Variants in VRTN observed in about 807,000 individuals in gnomAD.
VRTN encodes vertnin.
Under a neutral mutation model 18.2 loss-of-function variants are expected in VRTN, and 5 were observed. That is an observed-to-expected ratio of 0.27 (90% CI 0.14 to 0.58). VRTN has a LOEUF of 0.58. Among genes scored for constraint, VRTN ranks in the 20% least tolerant of loss-of-function variants. The probability of loss-of-function intolerance (pLI) is 0.91; values close to 1 mark genes in which losing one functional copy is unlikely to be tolerated. For missense variants in VRTN, 741 were observed against 939.4 expected (o/e 0.79, Z 2.76); for synonymous variants, 381 against 393.7 (o/e 0.97, Z 0.38).
chr14:74,325,168 G>A (rs1016936135), intron 1 of VRTN, among the ~76,000 whole-genome samples: 2 of 152,064 alleles, frequency 1.3e-5, no homozygotes, highest in East Asian at 1.9e-4. Context: ...TCAAGGCAAG[G>A]GTCAGTGCAG....
chr14:74,343,080 C>T (rs919297638), intron 2 of VRTN, among the ~76,000 whole-genome samples: 6 of 151,978 alleles, frequency 3.9e-5, no homozygotes, highest in Non-Finnish European at 8.8e-5. Flanking sequence ...ATTATACTGG[C>T]AGGGTGGAGA....
At chr14:74,349,931 G>A (rs537981713) in intron 1 of VRTN, among the ~76,000 whole-genome samples, 1 of 152,090 alleles carries the variant, frequency 6.6e-6, no homozygotes, top group African/African-American at 2.4e-5. Context: ...GTGCAATCCC[G>A]AGTGTGCCTT....
intron 1 of VRTN, among the ~76,000 whole-genome samples, chr14:74,304,299 G>A (rs2085273562): frequency 6.6e-6 from 1 of 151,846 alleles, no homozygotes; most frequent in Admixed American, 6.6e-5. Context: ...TGGGATTACA[G>A]GCATGCACCA....
chr14:74,335,514 G>A (rs1418655009), intron 1 of VRTN, among the ~76,000 whole-genome samples: 1 of 43,388 alleles, frequency 2.3e-5, no homozygotes, highest in Non-Finnish European at 4.1e-5. Context: ...TGTACTAAAT[G>A]CCTGACTTGT....
chr14:74,338,167 T>C (rs2085577683), intron 2 of VRTN, among the ~76,000 whole-genome samples: 1 of 152,224 alleles, frequency 6.6e-6, no homozygotes, highest in South Asian at 2.1e-4. Context: ...ACCATCATAC[T>C]GTTCTCACTC....
upstream of VRTN, among the ~76,000 whole-genome samples, chr14:74,346,347 A>T (rs903352985): frequency 2.0e-5 from 3 of 152,110 alleles, no homozygotes; most frequent in African/African-American, 7.2e-5. Flanking sequence ...CAGCAAAAGG[A>T]CTGGCAGGTT....
At chr14:74,352,719 G>A (rs953053261) in intron 1 of VRTN, among the ~76,000 whole-genome samples, 3 of 152,032 alleles carry the variant, frequency 2.0e-5, no homozygotes, top group African/African-American at 7.2e-5. Flanking sequence ...GGCCTTAAGC[G>A]TACAGTTTGA....
At chr14:74,331,569 T>TAA (rs944375108) in intron 1 of VRTN, among the ~76,000 whole-genome samples, 5 of 83,758 alleles carry the variant, frequency 6.0e-5, no homozygotes, top group African/African-American at 2.4e-4. Flanking sequence ...TATATATATA[T>TAA]ATATATATAT....
At chr14:74,333,415 G>A (rs551066300) in intron 1 of VRTN, among the ~76,000 whole-genome samples, 10 of 151,498 alleles carry the variant, frequency 6.6e-5, no homozygotes, top group South Asian at 2.1e-4. Context: ...ACTTGAACCC[G>A]GGAGATCAAG....
upstream of VRTN, among the ~76,000 whole-genome samples, chr14:74,347,660 G>A (rs1410088578): frequency 2.0e-5 from 3 of 152,210 alleles, no homozygotes; most frequent in Admixed American, 6.5e-5. Context: ...CTGCAATCCT[G>A]AGGCCTTCAC....
chr14:74,311,336 A>C (rs1162229036), intron 1 of VRTN, among the ~76,000 whole-genome samples: 1 of 152,136 alleles, frequency 6.6e-6, no homozygotes, highest in South Asian at 2.1e-4. Flanking sequence ...GCAAACTTAT[A>C]TGTATTAATA....
intron 1 of VRTN, among the ~76,000 whole-genome samples, chr14:74,322,862 G>A (rs34556096): frequency 0.28 from 41,922 of 152,092 alleles, 6,253 homozygotes; most frequent in Middle Eastern, 0.56. Flanking sequence ...GACCGGGCAC[G>A]GTGGCTCACG....
At chr14:74,344,504 G>T (rs2085630018), upstream of VRTN, among the ~76,000 whole-genome samples, 1 of 150,796 alleles carries the variant, frequency 6.6e-6, no homozygotes, top group East Asian at 1.9e-4. Flanking sequence ...AGGCTGAGGT[G>T]GGCGGATCAC....
intron 2 of VRTN, among the ~76,000 whole-genome samples, chr14:74,340,387 C>T (rs2085595903): frequency 6.6e-6 from 1 of 151,832 alleles, no homozygotes; most frequent in South Asian, 2.1e-4. Flanking sequence ...GCTGGGATTA[C>T]AGGCGTGAGC....
intron 1 of VRTN, among the ~76,000 whole-genome samples, chr14:74,311,283 T>G (rs2085387084): frequency 6.6e-6 from 1 of 152,194 alleles, no homozygotes; most frequent in Admixed American, 6.6e-5. Context: ...GCCAAGCTGT[T>G]CACAGCTTCT....
rs148216033 is a variant in VRTN at position 74,332,974 on chromosome 14, C to T, written c.-163-4749C>T. 2.8e-3 allele frequency among the ~76,000 whole-genome samples: 424 copies of T among 152,254 alleles called. 7 individuals carry two copies. Among genetic ancestry groups the T allele is most frequent in the Middle Eastern group, 0.02 (6 of 294 alleles). ...TACATGGCTTCCCATATTCTATTCTCGGGTTATGGTTATTTGGATGCATGT... is the reference window on the plus strand; with the variant it reads ...TACATGGCTTCCCATATTCTATTCTTGGGTTATGGTTATTTGGATGCATGT... On this transcript the variant is annotated intron_variant, in intron 1 of 2. Transcript: ENST00000557177.
In VRTN at chr14:74,357,939, G is replaced by A. The variant is rs868313678; in HGVS notation, c.1156G>A (p.Glu386Lys). ...GCCGGAGGAGCAGGTGGCTGAGGAG[G>A]AGCTGGAGTGCTCCGCACTGGCGGT... ...KLPEEQVAEE[E>K]LECSALAVSS... The change falls in exon 2 of 2, where the codon GAG becomes AAG. Residue 386 changes from glutamate to lysine, a missense_variant. Glu to Lys is a moderately conservative substitution (Grantham distance 56). Transcript: ENST00000256362. This position sits in a 1 kb window ranked among gnomAD's most constrained non-coding sequence, Gnocchi z 7.8. The A allele has an allele frequency of 6.2e-7, 1 of 1,614,208 alleles. No homozygotes were observed. The highest frequency in any genetic ancestry group is 8.5e-7 in the Non-Finnish European group (1 of 1,180,048).
intron 1 of VRTN, among the ~76,000 whole-genome samples, chr14:74,315,945 ACC>A (rs904648930): frequency 8.6e-5 from 13 of 151,954 alleles, no homozygotes; most frequent in Non-Finnish European, 1.8e-4. Flanking sequence ...CCTCCTTTCT[ACC>A]CCACCCCAAT....
In VRTN at chr14:74,356,853, C is replaced by A. The variant is rs1473083765; in HGVS notation, c.70C>A (p.Leu24Met). Residue 24 changes from leucine to methionine, a missense_variant, in exon 2 of 2, where the codon CTG becomes ATG. Leu to Met is a conservative substitution (Grantham distance 15). Transcript: ENST00000256362. The stretch of plus-strand genomic sequence containing the variant: ...GCAGGAAGCAGTGGAGTGCGAAGGC[C>A]TGGAGGGTCTCATAGGTGCTTCCTT... The part of the protein sequence containing the change: ...ELQEAVECEG[L>M]EGLIGASLEA... 2 of 1,613,748 alleles carry A rather than the reference C, an allele frequency of 1.2e-6. No homozygotes were observed. Among genetic ancestry groups the A allele is most frequent in the African/African-American group, 1.3e-5 (1 of 74,902 alleles).
Sources: allele counts gnomAD v4.1 joint callset (sites outside exome capture counted in the v4.1 genomes callset), GRCh38; gene constraint gnomAD v4.1.1; non-coding constraint Gnocchi (gnomAD v3.1); transcripts MANE v1.5; gene names NCBI Gene and HGNC (gene_info 2026-07-23, HGNC 2026-07-21).